DHX32: variants seen among roughly 807,000 people sequenced by gnomAD.
The protein encoded by DHX32 is DEAH-box helicase 32 (putative), also known as putative pre-mRNA-splicing factor ATP-dependent RNA helicase DHX32.
DHX32 carries 51 observed loss-of-function variants against 70.0 expected under a neutral mutation model. The observed-to-expected ratio is 0.73, with a 90% confidence interval of 0.58 to 0.92. The LOEUF is 0.92. Among genes scored for constraint, DHX32 ranks in the 40% least tolerant of loss-of-function variants. The probability of loss-of-function intolerance (pLI) is 0.00; values close to 1 mark genes in which losing one functional copy is unlikely to be tolerated. For synonymous variants in DHX32, 310 were observed against 315.3 expected (o/e 0.98, Z 0.18); for missense variants, 762 against 891.8 (o/e 0.85, Z 1.85).
At position 125,867,264 on chromosome 10, in the gene DHX32, T is replaced by C. The variant is rs183945200; in HGVS notation, c.283-81A>G. 1.4e-3 allele frequency: 1,751 copies of C among 1,226,492 alleles called. 2 individuals are homozygous for C. Among genetic ancestry groups the C allele is most frequent in the Admixed American group, 2.2e-3 (80 of 37,070 alleles). 76.0% of individuals were successfully genotyped at this position (1,226,492 alleles called of 1,614,324 possible). On this transcript the variant is annotated intron_variant, in intron 1 of 10. Coordinates refer to ENST00000284690, the MANE Select transcript of DHX32 (RefSeq NM_018180.3). ...CATCTCTGTCTTACAGCAGGGTTCA[T>C]CTTATAAGTGATTTTCTTTCATCAG...
In DHX32 at chr10:125,867,190, C is replaced by A; in HGVS notation, c.283-7G>T. 1 of 1,586,138 alleles carries A rather than the reference C, an allele frequency of 6.3e-7. No homozygotes were observed. The highest frequency in any genetic ancestry group is 1.8e-5 in the Admixed American group (1 of 55,158). The stretch of plus-strand genomic sequence containing the variant: ...CAGCACACCACTGAGGAACCTGTAG[C>A]AGGAAAAAATGAGACAGGATCAGCT... On this transcript the variant is annotated splice_region_variant and splice_polypyrimidine_tract_variant and intron_variant, in intron 1 of 10. Transcript: ENST00000284690.
intron 2 of DHX32, among the ~76,000 whole-genome samples, chr10:125,865,917 C>G (rs1256443831): frequency 6.6e-6 from 1 of 152,174 alleles, no homozygotes; most frequent in Non-Finnish European, 1.5e-5. Context: ...TCCAGTTTAC[C>G]GAACATCCTC....
At position 125,880,744 on chromosome 10, in the gene DHX32, C is replaced by T; in HGVS notation, c.81G>A (p.Gly27=). The part of the protein sequence containing the change: ...YFPESLDSSD[G]DEEEVLACED... ...CACAGGCCAAAACCTCTTCCTCATCCCCATCGCTGGAATCCAGGGATTCAG... is the reference window on the plus strand; with the variant it reads ...CACAGGCCAAAACCTCTTCCTCATCTCCATCGCTGGAATCCAGGGATTCAG... The change falls in exon 1 of 11, where the codon GGG becomes GGA. Residue 27 remains glycine, a synonymous_variant. Transcript: ENST00000284690. The T allele has an allele frequency of 6.2e-7, 1 of 1,614,214 alleles. No homozygotes were observed. The highest frequency in any genetic ancestry group is 1.3e-5 in the African/African-American group (1 of 75,054).
chr10:125,850,543 C>T (rs868220824), intron 6 of DHX32, among the ~76,000 whole-genome samples: 8 of 151,728 alleles, frequency 5.3e-5, no homozygotes, highest in Non-Finnish European at 8.8e-5. Context: ...TTAGTAGAGA[C>T]GAGATTTCAC....
intron 3 of DHX32, 41 bp from the exon 4 acceptor site, chr10:125,854,244 A>G: frequency 6.5e-7 from 1 of 1,531,732 alleles, no homozygotes; most frequent in Non-Finnish European, 8.7e-7. Context: ...TACAATGCAA[A>G]CAACATCACT....
At chr10:125,891,821 C>T (rs1371715823) in intron 1 of DHX32, among the ~76,000 whole-genome samples, 1 of 152,250 alleles carries the variant, frequency 6.6e-6, no homozygotes, top group Non-Finnish European at 1.5e-5. Flanking sequence ...GACCACTGGT[C>T]TTTAGTCTCC....
intron 1 of DHX32, among the ~76,000 whole-genome samples, chr10:125,874,441 CAA>C (rs759454732): frequency 6.6e-6 from 1 of 152,038 alleles, no homozygotes; most frequent in Non-Finnish European, 1.5e-5. Context: ...TTAAAAATGA[CAA>C]GAGAAACCAT....
intron 2 of DHX32, among the ~76,000 whole-genome samples, chr10:125,863,745 G>A (rs1050620049): frequency 3.9e-5 from 6 of 152,018 alleles, no homozygotes; most frequent in Non-Finnish European, 7.4e-5. Context: ...CACCGTGCCC[G>A]GCCAATCAAT....
intron 6 of DHX32, among the ~76,000 whole-genome samples, chr10:125,852,059 T>A (rs545927382): frequency 9.8e-5 from 15 of 152,304 alleles, no homozygotes; most frequent in Middle Eastern, 3.4e-3. Flanking sequence ...TGCTGCAGTG[T>A]CCAACAGCAG....
chr10:125,895,982 G>C, intron 1 of DHX32, among the ~76,000 whole-genome samples: 1 of 152,300 alleles, frequency 6.6e-6, no homozygotes, highest in African/African-American at 2.4e-5. Context: ...GGAGCCCCTG[G>C]TGCGAGGGCT....
At chr10:125,889,354 C>G (rs1291291264) in intron 1 of DHX32, among the ~76,000 whole-genome samples, 1 of 152,120 alleles carries the variant, frequency 6.6e-6, no homozygotes, top group Non-Finnish European at 1.5e-5. Context: ...TACTTACACT[C>G]TATTTTTACT....
At chr10:125,853,125 G>T in intron 4 of DHX32, 2 of 1,600,566 alleles carry the variant, frequency 1.2e-6, no homozygotes, top group East Asian at 2.3e-5. Context: ...TTCCTTACAG[G>T]TGGTTCACGG....
chr10:125,859,775 T>C lies in DHX32; in HGVS notation c.677A>G (p.Asn226Ser), dbSNP rs375145354. The C allele has an allele frequency of 4.8e-5, 78 of 1,614,116 alleles. No individual in the cohort carries two copies. In the African/African-American group the frequency reaches 7.3e-4, roughly 15 times the overall value. ...NSSPHLISKL[N>S]SYYGNVPVIE... ...GACAGGCACGTTTCCATAATAAGAA[T>C]TGAGTTTGCTGATCAGGTGAGGTGA... The change falls in exon 3 of 11, where the codon AAT becomes AGT. Residue 226 changes from asparagine to serine, a missense_variant. Physicochemically the swap from Asn to Ser is conservative, Grantham distance 46. This residue lies in a region of DHX32 where 394 missense variants were observed against 473.1 expected (regional missense o/e 0.83). Coordinates refer to ENST00000284690, the MANE Select transcript of DHX32 (RefSeq NM_018180.3).
At chr10:125,859,398 T>C (rs1944170921) in intron 3 of DHX32, among the ~76,000 whole-genome samples, 2 of 152,238 alleles carry the variant, frequency 1.3e-5, no homozygotes, top group Non-Finnish European at 2.9e-5. Flanking sequence ...GTCTAGAGAC[T>C]CCTCACCCAT....
At chr10:125,840,004 C>G (rs897944959) in intron 8 of DHX32, among the ~76,000 whole-genome samples, 2 of 152,220 alleles carry the variant, frequency 1.3e-5, no homozygotes, top group African/African-American at 4.8e-5. Flanking sequence ...AACACTAACT[C>G]CCTGTTCTTT....
At chr10:125,858,795 T>C (rs972845260) in intron 3 of DHX32, among the ~76,000 whole-genome samples, 1 of 152,060 alleles carries the variant, frequency 6.6e-6, no homozygotes, top group Non-Finnish European at 1.5e-5. Flanking sequence ...AGGCAATTAG[T>C]CTCCATGAAG....
At chr10:125,840,815 A>G in intron 8 of DHX32, 32 bp downstream of exon 8, 2 of 1,538,238 alleles carry the variant, frequency 1.3e-6, no homozygotes, top group Non-Finnish European at 1.8e-6. Context: ...AGGAAGGTGG[A>G]ATTAATAGGT....
chr10:125,867,187 T>A lies in DHX32; in HGVS notation c.283-4A>T. 1 of 1,590,930 alleles carries A rather than the reference T, an allele frequency of 6.3e-7. No homozygotes were observed. The highest frequency in any genetic ancestry group is 1.8e-5 in the Admixed American group (1 of 56,110). Reference sequence around the variant, plus strand: ...ATTCAGCACACCACTGAGGAACCTGTAGCAGGAAAAAATGAGACAGGATCA... The same window carrying A: ...ATTCAGCACACCACTGAGGAACCTGAAGCAGGAAAAAATGAGACAGGATCA... On this transcript the variant is annotated splice_region_variant and splice_polypyrimidine_tract_variant and intron_variant, in intron 1 of 10. Transcript: ENST00000284690.
intron 6 of DHX32, 98 bp downstream of exon 6, chr10:125,852,195 T>G: frequency 1.4e-6 from 2 of 1,426,442 alleles, no homozygotes; most frequent in South Asian, 1.3e-5. Flanking sequence ...TCCATGCTTG[T>G]GTGCATTGCT....
Sources: allele counts gnomAD v4.1 joint callset (sites outside exome capture counted in the v4.1 genomes callset), GRCh38; gene constraint gnomAD v4.1.1; regional missense constraint gnomAD v4.1.1; transcripts MANE v1.5; gene names NCBI Gene and HGNC (gene_info 2026-07-23, HGNC 2026-07-21).